TADA1: variants seen among roughly 807,000 people sequenced by gnomAD.
The protein encoded by TADA1 is transcriptional adaptor 1, also known as transcriptional adapter 1.
In TADA1, 23 loss-of-function variants were observed where a neutral mutation model predicts 39.3. That is an observed-to-expected ratio of 0.58 (90% CI 0.42 to 0.83). The LOEUF (loss-of-function observed/expected upper bound fraction) is 0.83. TADA1 is among the 40% of genes least tolerant of loss of function. TADA1 has a pLI of 0.00. For synonymous variants in TADA1, 137 were observed against 151.8 expected (o/e 0.90, Z 0.72); for missense variants, 352 against 408.1 (o/e 0.86, Z 1.18).
At chr1:166,860,894 T>A (rs1571237516) in intron 5 of TADA1, among the ~76,000 whole-genome samples, 1 of 152,112 alleles carries the variant, frequency 6.6e-6, no homozygotes, top group African/African-American at 2.4e-5. Context: ...GTCTCGAACT[T>A]CTGACCTCAG....
rs562740661 is a variant in TADA1, at chr1:166,869,694, G to A, written c.166+69C>T. On this transcript the variant is annotated intron_variant, in intron 2 of 7. Coordinates refer to ENST00000367874, the MANE Select transcript of TADA1 (RefSeq NM_053053.4). ...ACCAAAATTTTACTTTTTAAAAAGG[G>A]AAAAGACTTTACTACAAATCTAGGA... 840 of 1,539,952 alleles carry A rather than the reference G, an allele frequency of 5.5e-4. 2 individuals are homozygous for A. The Middle Eastern group carries it at 9.4e-3, about 17-fold the overall frequency.
At chr1:166,872,663 ACT>A (rs1465478508) in intron 1 of TADA1, among the ~76,000 whole-genome samples, 11 of 149,084 alleles carry the variant, frequency 7.4e-5, no homozygotes, top group Non-Finnish European at 1.2e-4. Flanking sequence ...CAAGAGCAAA[ACT>A]CTGTCTCCAA....
In TADA1 at chr1:166,858,301, A is replaced by G. The variant is rs774400085; in HGVS notation, c.693-20T>C. The G allele has an allele frequency of 1.1e-5, 17 of 1,520,888 alleles. No homozygotes were observed. The highest frequency in any genetic ancestry group is 1.4e-5 in the Non-Finnish European group (16 of 1,136,940). 94.2% of individuals were successfully genotyped at this position (1,520,888 alleles called of 1,614,324 possible). ...GGAGGGCTGAAAATAAAAATTTCAG[A>G]AATAGTCCCAGCACAGAGACAACTG... On this transcript the variant is annotated intron_variant, in intron 6 of 7. Coordinates refer to ENST00000367874, the MANE Select transcript of TADA1 (RefSeq NM_053053.4).
chr1:166,858,895 C>T (rs751835031), intron 6 of TADA1, among the ~76,000 whole-genome samples: 10 of 152,220 alleles, frequency 6.6e-5, no homozygotes, highest in Non-Finnish European at 1.5e-4. Flanking sequence ...AAAAGCAGCC[C>T]TGTTAGAGTA....
intron 1 of TADA1, among the ~76,000 whole-genome samples, chr1:166,874,702 C>A (rs1658727305): frequency 6.6e-6 from 1 of 152,130 alleles, no homozygotes; most frequent in Non-Finnish European, 1.5e-5. Flanking sequence ...ATCTCTTGAG[C>A]TCAGGAGATC....
chr1:166,866,894 A>G (rs1373817650), intron 3 of TADA1, among the ~76,000 whole-genome samples: 2 of 152,030 alleles, frequency 1.3e-5, no homozygotes, highest in Middle Eastern at 3.4e-3. Flanking sequence ...ACAGGTGCCT[A>G]CCACCATGCC....
At chr1:166,871,962 G>A (rs1362990353) in intron 1 of TADA1, among the ~76,000 whole-genome samples, 2 of 152,162 alleles carry the variant, frequency 1.3e-5, no homozygotes, top group Non-Finnish European at 2.9e-5. Flanking sequence ...CTAAAACAAG[G>A]CTCTACCAGG....
intron 3 of TADA1, among the ~76,000 whole-genome samples, chr1:166,865,572 G>C (rs748238677): frequency 1.2e-4 from 19 of 152,028 alleles, no homozygotes; most frequent in Non-Finnish European, 2.6e-4. Flanking sequence ...CCGACACTTT[G>C]GGAGGCCGAG....
rs1367677059 is a variant in TADA1, at chr1:166,864,058, T to TCTTTCTA, written c.233-144_233-138dup. 4.6e-6 allele frequency: 3 copies of TCTTTCTA among 645,222 alleles called. No homozygotes were observed. In the East Asian group the frequency reaches 1.0e-4, roughly 21 times the overall value. The allele number at this position is 645,222 out of a possible 1,614,324, so 40.0% of individuals were successfully genotyped here. Reference sequence around the variant, plus strand: ...AATGAATGCTTAAATCAAAACCTTCTCTTTCTACTTCTCTAAATAAAATTA... The same window carrying TCTTTCTA: ...AATGAATGCTTAAATCAAAACCTTCTCTTTCTACTTTCTACTTCTCTAAATAAAATTA... On this transcript the variant is annotated intron_variant, in intron 3 of 7. Coordinates refer to ENST00000367874, the MANE Select transcript of TADA1 (RefSeq NM_053053.4).
At chr1:166,865,774 G>C (rs1658517578) in intron 3 of TADA1, among the ~76,000 whole-genome samples, 1 of 151,486 alleles carries the variant, frequency 6.6e-6, no homozygotes, top group African/African-American at 2.4e-5. Flanking sequence ...AGCCGAGAAA[G>C]CACCACTGCA....
At position 166,856,794 on chromosome 1, in the gene TADA1, T is replaced by C. The variant is rs1312472535; in HGVS notation, c.*773A>G. 6.6e-6 allele frequency: 1 copy of C among 152,654 alleles called. No individual in the cohort carries two copies. The highest frequency in any genetic ancestry group is 2.4e-5 in the African/African-American group (1 of 41,458). The allele number at this position is 152,654 out of a possible 1,614,324, so 9.5% of individuals were successfully genotyped here. A position where few individuals can be genotyped will look rare whatever the true frequency, so the allele number is the denominator to read the frequency against. ...AGAAACTGGAGAATTACCAAGCATA[T>C]ATCCAATTTGTATAGATTTCTTAAA... is the stretch of plus-strand genomic sequence containing the variant. On this transcript the variant is annotated 3_prime_UTR_variant, in exon 8 of 8. Coordinates refer to ENST00000367874, the MANE Select transcript of TADA1 (RefSeq NM_053053.4).
rs1441012272 is a variant in TADA1, at chr1:166,876,192, G to C, written c.42C>G (p.Asn14Lys). The C allele has an allele frequency of 1.2e-6, 2 of 1,613,848 alleles. No individual in the cohort carries two copies. Among genetic ancestry groups the C allele is most frequent in the Non-Finnish European group, 1.7e-6 (2 of 1,179,916 alleles). Residue 14 changes from asparagine (N) to lysine (K), a missense_variant, in exon 1 of 8, where the codon AAC (asparagine) becomes AAG (lysine). Asn to Lys is a moderately conservative substitution (Grantham distance 94). Around this residue, in one of 3 missense-constraint regions of TADA1, gnomAD observed 31 missense variants for 25.1 expected, o/e 1.23. Transcript: ENST00000367874. Reference protein sequence around the residue: ...FVSELEAAKKNLSEALGDNVK... With the variant: ...FVSELEAAKKKLSEALGDNVK... ...CGTTGTCCCCCAGGGCCTCGCTTAA[G>C]TTCTTCTTGGCCGCCTCCAGCTCGC...
At chr1:166,858,348 C>T (rs1293658133) in intron 6 of TADA1, 67 bp from the exon 7 acceptor site, 3 of 1,220,638 alleles carry the variant, frequency 2.5e-6, no homozygotes, top group Non-Finnish European at 3.3e-6. Context: ...CAGGAGTGGC[C>T]TGCTAGAATC....
intron 1 of TADA1, among the ~76,000 whole-genome samples, chr1:166,872,688 A>C (rs1658683823): frequency 2.0e-5 from 3 of 151,926 alleles, no homozygotes; most frequent in Admixed American, 2.0e-4. Context: ...AAAAAAACCA[A>C]AGTGATCTGC....
chr1:166,869,903 G>T, intron 1 of TADA1, 49 bp from the exon 2 acceptor site: 1 of 1,495,404 alleles, frequency 6.7e-7, no homozygotes, highest in Non-Finnish European at 9.2e-7. Flanking sequence ...GCTGCTTCTA[G>T]TTTTTTTTGT....
chr1:166,875,853 G>C (rs1214318109), intron 1 of TADA1, among the ~76,000 whole-genome samples: 2 of 152,208 alleles, frequency 1.3e-5, no homozygotes, highest in Non-Finnish European at 2.9e-5. Flanking sequence ...GCCCGCGCTG[G>C]GGCCCGCACC....
chr1:166,860,174 A>G lies in TADA1; in HGVS notation c.692+12T>C, dbSNP rs1658374888. 2 of 1,583,214 alleles carry G rather than the reference A, an allele frequency of 1.3e-6. No homozygotes were observed. The highest frequency in any genetic ancestry group is 1.9e-5 in the Admixed American group (1 of 52,992). ...AAAAGATGGAAAGAAAATCACAAGA[A>G]ACTTCATTTACCTTTCTATTAAGTT... is the stretch of plus-strand genomic sequence containing the variant. On this transcript the variant is annotated intron_variant, in intron 6 of 7. Transcript: ENST00000367874.
Position 166,857,682 on chromosome 1 carries a change from G to A in TADA1, c.893C>T (p.Ala298Val). The A allele has an allele frequency of 6.2e-7, 1 of 1,614,190 alleles. No homozygotes were observed. Among genetic ancestry groups the A allele is most frequent in the Non-Finnish European group, 8.5e-7 (1 of 1,180,032 alleles). ...CGTGATGATCCTTTCAATGTTAAGA[G>A]CATAGACAGTATGTGTAGGGATGAC... Reference protein sequence around the residue: ...REVIPTHTVYALNIERIITKL... With the variant: ...REVIPTHTVYVLNIERIITKL... The change falls in exon 8 of 8, where the codon GCT becomes GTT. Residue 298 changes from alanine (A) to valine (V), a missense_variant. This residue lies in a region of TADA1 where 285 missense variants were observed against 310.9 expected (regional missense o/e 0.92). Coordinates refer to ENST00000367874, the MANE Select transcript of TADA1 (RefSeq NM_053053.4).
In TADA1 at chr1:166,862,392, A is replaced by C; in HGVS notation, c.351T>G (p.Asn117Lys). 1 of 1,614,170 alleles carries C rather than the reference A, an allele frequency of 6.2e-7. No individual in the cohort carries two copies. The highest frequency in any genetic ancestry group is 8.5e-7 in the Non-Finnish European group (1 of 1,180,016). ...QKFDHRFQPQNPLSGAQQFVA... is the reference protein window; with the variant it reads ...QKFDHRFQPQKPLSGAQQFVA... ...CAAATTGCTGGGCTCCTGAGAGAGG[A>C]TTTTGAGGCTGGAATCTATGCTATG... The change falls in exon 5 of 8, where the codon AAT becomes AAG. Residue 117 changes from asparagine (N) to lysine (K), a missense_variant. Coordinates refer to ENST00000367874, the MANE Select transcript of TADA1 (RefSeq NM_053053.4).
Sources: gnomAD v4.1 joint callset for allele counts (sites outside exome capture counted in the v4.1 genomes callset) on GRCh38, gnomAD v4.1.1 for gene constraint, gnomAD v4.1.1 regional missense constraint, MANE v1.5 for transcripts, NCBI Gene and HGNC (gene_info 2026-07-23, HGNC 2026-07-21) for gene names.